Variants in NIM1K observed in about 807,000 individuals in gnomAD.
The protein encoded by NIM1K is serine/threonine-protein kinase NIM1.
In NIM1K, 35 loss-of-function variants were observed where a neutral mutation model predicts 37.1. The ratio of observed to expected loss-of-function variants is 0.94; its 90% CI spans 0.72 to 1.25. The LOEUF (loss-of-function observed/expected upper bound fraction) is 1.25. NIM1K is among the 50% of genes most tolerant of loss of function. NIM1K has a pLI of 0.00. For missense variants in NIM1K, 564 were observed against 548.0 expected (o/e 1.03, Z -0.29); for synonymous variants, 234 against 206.6 (o/e 1.13, Z -1.14).
intron 1 of NIM1K, among the ~76,000 whole-genome samples, chr5:43,229,158 G>A (rs1752501834): frequency 6.6e-6 from 1 of 152,108 alleles, no homozygotes; most frequent in South Asian, 2.1e-4. Flanking sequence ...AAGGCAGGTG[G>A]ATCACATGAG....
chr5:43,246,674 G>C (rs1390585085), intron 2 of NIM1K, among the ~76,000 whole-genome samples: 1 of 152,134 alleles, frequency 6.6e-6, no homozygotes, highest in African/African-American at 2.4e-5. Context: ...AGTCCACCCT[G>C]CCCTAGCTCT....
chr5:43,195,053 G>C (rs1360717209), intron 1 of NIM1K, among the ~76,000 whole-genome samples: 4 of 152,174 alleles, frequency 2.6e-5, no homozygotes, highest in South Asian at 2.1e-4. Context: ...AGGGATTAAA[G>C]AGTTTTAATT....
At chr5:43,204,200 G>A (rs1375654406) in intron 1 of NIM1K, among the ~76,000 whole-genome samples, 7 of 136,244 alleles carry the variant, frequency 5.1e-5, no homozygotes, top group African/African-American at 1.6e-4. Flanking sequence ...AGATTCTCCT[G>A]CCTCAGCCTC....
At chr5:43,239,041 G>C (rs1323579336) in intron 1 of NIM1K, among the ~76,000 whole-genome samples, 1 of 151,718 alleles carries the variant, frequency 6.6e-6, no homozygotes, top group East Asian at 1.9e-4. Context: ...AACCTTTGAG[G>C]TACTTGGTAT....
chr5:43,251,832 T>C (rs1752871776), intron 2 of NIM1K, among the ~76,000 whole-genome samples: 1 of 152,216 alleles, frequency 6.6e-6, no homozygotes, highest in South Asian at 2.1e-4. Flanking sequence ...ATGTGTTTCA[T>C]TCTGTTTCAG....
At chr5:43,200,853 C>A (rs541416987) in intron 1 of NIM1K, among the ~76,000 whole-genome samples, 1 of 152,096 alleles carries the variant, frequency 6.6e-6, no homozygotes, top group Non-Finnish European at 1.5e-5. Flanking sequence ...TGGCTGGGCG[C>A]GTTGGCTCAA....
At position 43,256,851 on chromosome 5, in the gene NIM1K, T is replaced by C. The variant is rs1338679602; in HGVS notation, c.292+10784T>C. On this transcript the variant is annotated intron_variant, in intron 2 of 3. Coordinates refer to ENST00000326035, the MANE Select transcript of NIM1K (RefSeq NM_153361.4). ...TCACTGGACACTTGTTTAATAACAC[T>C]GTCTATGGGCTGCCTTTCTTGTCTC... Among the ~76,000 whole-genome samples, 3 of 152,306 alleles carry C rather than the reference T, an allele frequency of 2.0e-5. No individual in the cohort carries two copies. The East Asian group carries it at 5.8e-4, about 29-fold the overall frequency.
At chr5:43,220,867 G>T (rs1455092004) in intron 1 of NIM1K, among the ~76,000 whole-genome samples, 6 of 152,154 alleles carry the variant, frequency 3.9e-5, no homozygotes, top group African/African-American at 1.4e-4. Flanking sequence ...GCCGAGAGAA[G>T]AAGGTAGTAA....
At chr5:43,261,434 T>C (rs1271966570) in intron 2 of NIM1K, among the ~76,000 whole-genome samples, 1 of 152,248 alleles carries the variant, frequency 6.6e-6, no homozygotes, top group Non-Finnish European at 1.5e-5. Flanking sequence ...TTATATCCTT[T>C]GCCCACTTTT....
intron 2 of NIM1K, among the ~76,000 whole-genome samples, chr5:43,257,396 C>G (rs531449357): frequency 8.3e-6 from 1 of 120,154 alleles, no homozygotes; most frequent in East Asian, 2.7e-4. Context: ...GAGATGGAGT[C>G]TCGCTCTGTC....
intron 2 of NIM1K, among the ~76,000 whole-genome samples, 157 bp from the exon 3 acceptor site, chr5:43,276,900 T>C (rs1257399883): frequency 2.6e-5 from 4 of 152,196 alleles, no homozygotes; most frequent in African/African-American, 9.7e-5. Flanking sequence ...GCACTGATGC[T>C]GGGCTTAAGC....
chr5:43,262,632 T>C (rs867899575), intron 2 of NIM1K, among the ~76,000 whole-genome samples: 19 of 152,120 alleles, frequency 1.2e-4, no homozygotes, highest in South Asian at 4.1e-4. Context: ...TGGCCAGAAC[T>C]TCCAACACTA....
At chr5:43,230,851 G>A (rs1752528244) in intron 1 of NIM1K, among the ~76,000 whole-genome samples, 1 of 152,260 alleles carries the variant, frequency 6.6e-6, no homozygotes, top group African/African-American at 2.4e-5. Flanking sequence ...CATTTTACCA[G>A]AGCTTTTTTT....
intron 2 of NIM1K, among the ~76,000 whole-genome samples, chr5:43,266,868 G>C (rs1379715789): frequency 6.6e-6 from 1 of 152,100 alleles, no homozygotes; most frequent in Non-Finnish European, 1.5e-5. Context: ...TTTTGTTGAG[G>C]ACTTTTGCAT....
Position 43,228,063 on chromosome 5 carries a change from A to G in NIM1K, c.-694-17019A>G, listed in dbSNP as rs535171106. On this transcript the variant is annotated intron_variant, in intron 1 of 3. Coordinates refer to ENST00000326035, the MANE Select transcript of NIM1K (RefSeq NM_153361.4). The stretch of plus-strand genomic sequence containing the variant: ...TCACTTGGTTGTTTAATTTGGGGGA[A>G]TCTCCCTCAGAAGCACAGTTTCTCA... Among the ~76,000 whole-genome samples, 4 of 152,142 alleles carry G rather than the reference A, an allele frequency of 2.6e-5. No individual in the cohort carries two copies. The South Asian group carries it at 6.2e-4, about 24-fold the overall frequency.
At chr5:43,253,230 G>A (rs1405912642) in intron 2 of NIM1K, among the ~76,000 whole-genome samples, 23 of 146,620 alleles carry the variant, frequency 1.6e-4, no homozygotes, top group African/African-American at 3.5e-4. Flanking sequence ...GTGTGTGTGT[G>A]TGTGTGTGTG....
At chr5:43,217,533 CCA>C (rs1752318198) in intron 1 of NIM1K, among the ~76,000 whole-genome samples, 1 of 151,216 alleles carries the variant, frequency 6.6e-6, no homozygotes, top group African/African-American at 2.4e-5. Context: ...TCCAGTTTCT[CCA>C]CACCCTTGCC....
intron 2 of NIM1K, among the ~76,000 whole-genome samples, chr5:43,260,698 T>A (rs1753014124): frequency 6.6e-6 from 1 of 152,160 alleles, no homozygotes; most frequent in Non-Finnish European, 1.5e-5. Flanking sequence ...GCCATATTGG[T>A]GTGCTGTACC....
rs185924596 is a variant in NIM1K, at chr5:43,238,797, G to A, written c.-694-6285G>A. Among the ~76,000 whole-genome samples the A allele has an allele frequency of 2.3e-4, 35 of 151,738 alleles. No individual in the cohort carries two copies. In the East Asian group the frequency reaches 6.4e-3, roughly 28 times the overall value. On this transcript the variant is annotated intron_variant, in intron 1 of 3. Coordinates refer to ENST00000326035, the MANE Select transcript of NIM1K (RefSeq NM_153361.4). ...GAGTAGCCAACCTCGAGGTTTTTATGTTTATTTTCCTCCATTCTGGGAACC... is the reference window on the plus strand; with the variant it reads ...GAGTAGCCAACCTCGAGGTTTTTATATTTATTTTCCTCCATTCTGGGAACC...
Sources: gnomAD v4.1 joint callset for allele counts (sites outside exome capture counted in the v4.1 genomes callset) on GRCh38, gnomAD v4.1.1 for gene constraint, MANE v1.5 for transcripts, NCBI Gene and HGNC (gene_info 2026-07-23, HGNC 2026-07-21) for gene names.